Variants in ENTREP2 observed in about 807,000 individuals in gnomAD.
The protein encoded by ENTREP2 is protein ENTREP2.
the ENTREP2 span, among the ~76,000 whole-genome samples, chr15:29,664,448 C>T: frequency 0.049 from 7,031 of 142,978 alleles, 470 homozygotes; most frequent in African/African-American, 0.16. Context: ...TTCTCTCTCT[C>T]TTTTTTTTTT....
At chr15:29,492,356 G>A in the ENTREP2 span, among the ~76,000 whole-genome samples, 2 of 152,196 alleles carry the variant, frequency 1.3e-5, no homozygotes, top group Non-Finnish European at 2.9e-5. Context: ...GTTCATATAT[G>A]CATAGTGGGA....
the ENTREP2 span, among the ~76,000 whole-genome samples, chr15:29,341,791 G>A: frequency 6.6e-6 from 1 of 152,144 alleles, no homozygotes; most frequent in African/African-American, 2.4e-5. Context: ...TTACAAGCAC[G>A]GAGAGAAACC....
the ENTREP2 span, among the ~76,000 whole-genome samples, chr15:29,425,576 A>C: frequency 1.3e-5 from 2 of 152,206 alleles, no homozygotes; most frequent in Non-Finnish European, 2.9e-5. Context: ...AGAGGAAATT[A>C]AGTAACACCT....
the ENTREP2 span, among the ~76,000 whole-genome samples, chr15:29,386,834 T>C: frequency 3.3e-5 from 5 of 152,240 alleles, no homozygotes; most frequent in African/African-American, 9.6e-5. Context: ...CTTGTGAATT[T>C]TGCACATTGA....
chr15:29,287,494 T>C, the ENTREP2 span, among the ~76,000 whole-genome samples: 3 of 151,416 alleles, frequency 2.0e-5, no homozygotes, highest in East Asian at 1.9e-4. Flanking sequence ...GGCACAGCAA[T>C]AGATAACCAA....
At chr15:29,120,640 T>C in the ENTREP2 span, 1 of 152,380 alleles carries the variant, frequency 6.6e-6, no homozygotes, top group East Asian at 1.9e-4. Context: ...GCCAACCCCC[T>C]TTGGGTCTCA....
chr15:29,406,121 T>C, the ENTREP2 span, among the ~76,000 whole-genome samples: 1 of 152,224 alleles, frequency 6.6e-6, no homozygotes, highest in African/African-American at 2.4e-5. Context: ...ATGATCATGA[T>C]GGCACACCCT....
At chr15:29,231,885 C>CTTTCTT in the ENTREP2 span, among the ~76,000 whole-genome samples, 1 of 129,950 alleles carries the variant, frequency 7.7e-6, no homozygotes, top group African/African-American at 3.0e-5. Flanking sequence ...GTTTTCTTTT[C>CTTTCTT]TTTTCTTTCT....
the ENTREP2 span, among the ~76,000 whole-genome samples, chr15:29,149,310 C>T: frequency 2.4e-4 from 36 of 152,248 alleles, no homozygotes; most frequent in Non-Finnish European, 5.0e-4. Context: ...AAACAATTAT[C>T]TTTCTGCACT....
the ENTREP2 span, among the ~76,000 whole-genome samples, chr15:29,471,760 C>T: frequency 0.1 from 15,943 of 152,260 alleles, 1,072 homozygotes; most frequent in African/African-American, 0.19. Flanking sequence ...ATTAGTCACA[C>T]TGATCTACAA....
the ENTREP2 span, among the ~76,000 whole-genome samples, chr15:29,301,608 T>C: frequency 6.6e-6 from 1 of 152,196 alleles, no homozygotes; most frequent in Non-Finnish European, 1.5e-5. Context: ...TGGTTGTACG[T>C]TCAATGATGG....
At chr15:29,130,235 G>C in the ENTREP2 span, among the ~76,000 whole-genome samples, 855 of 152,240 alleles carry the variant, frequency 5.6e-3, 7 homozygotes, top group Admixed American at 0.016. Flanking sequence ...AGATGCTTTC[G>C]CATAATACGG....
chr15:29,444,164 GACAGAC>G, the ENTREP2 span, among the ~76,000 whole-genome samples: 14,088 of 82,990 alleles, frequency 0.17, 2,102 homozygotes, highest in Non-Finnish European at 0.19. Context: ...CAGAAAGAAA[GACAGAC>G]AAAGAAAGAA....
the ENTREP2 span, among the ~76,000 whole-genome samples, chr15:29,670,001 A>G: frequency 6.6e-6 from 1 of 152,170 alleles, no homozygotes; most frequent in Non-Finnish European, 1.5e-5. Context: ...TTTCATCATG[A>G]GTCAGAACTT....
chr15:29,534,013 T>C, the ENTREP2 span, among the ~76,000 whole-genome samples: 1 of 147,256 alleles, frequency 6.8e-6, no homozygotes, highest in Non-Finnish European at 1.5e-5. Flanking sequence ...TATGTGCTGC[T>C]GCCTATAGAA....
At chr15:29,562,643 A>G in the ENTREP2 span, among the ~76,000 whole-genome samples, 4 of 152,196 alleles carry the variant, frequency 2.6e-5, no homozygotes, top group African/African-American at 9.6e-5. Context: ...ACAGAGTTTC[A>G]TTGTTTATTA....
the ENTREP2 span, among the ~76,000 whole-genome samples, chr15:29,148,813 T>C: frequency 2.0e-5 from 3 of 152,040 alleles, no homozygotes; most frequent in Non-Finnish European, 2.9e-5. Context: ...GTTTTTAAAG[T>C]GGGGCTAGAG....
At chr15:29,134,782 A>T in the ENTREP2 span, among the ~76,000 whole-genome samples, 1 of 152,146 alleles carries the variant, frequency 6.6e-6, no homozygotes, top group Admixed American at 6.5e-5. Flanking sequence ...ACTGGTTGGG[A>T]CAGGGACCAG....
the ENTREP2 span, among the ~76,000 whole-genome samples, chr15:29,434,032 T>C: frequency 1.3e-5 from 2 of 152,324 alleles, no homozygotes; most frequent in African/African-American, 2.4e-5. Context: ...TCCTAGAGAA[T>C]GTGAGCTTAG....
Sources: allele counts gnomAD v4.1 joint callset (sites outside exome capture counted in the v4.1 genomes callset), GRCh38; gene constraint gnomAD v4.1.1; transcripts MANE v1.5; gene names NCBI Gene and HGNC (gene_info 2026-07-23, HGNC 2026-07-21).